The following SPAG16 variants were observed in gnomAD, a reference collection of about 807,000 sequenced individuals.
SPAG16 encodes the protein sperm associated antigen 16, also known as sperm-associated antigen 16 protein.
In SPAG16, 86 loss-of-function variants were observed where a neutral mutation model predicts 80.4. The ratio of observed to expected loss-of-function variants is 1.07; its 90% CI spans 0.90 to 1.28. The LOEUF (loss-of-function observed/expected upper bound fraction) is 1.28, where lower values mean the gene tolerates loss of function less well. Ranked by LOEUF, SPAG16 falls within the 50% of genes most tolerant of loss-of-function variation. The pLI, the probability that SPAG16 is intolerant of heterozygous loss-of-function variation, is 0.00. For missense variants in SPAG16, 870 were observed against 765.3 expected, an observed-to-expected ratio of 1.14 and a Z score of -1.61; for synonymous variants, 294 against 265.9, an observed-to-expected ratio of 1.11 and a Z score of -1.03.
At chr2:213,285,496 AG>A (rs2062021737) in intron 1 of SPAG16, among the ~76,000 whole-genome samples, 1 of 152,210 alleles carries the variant, frequency 6.6e-6, no homozygotes, top group Admixed American at 6.5e-5. Context: ...AAAGATACCA[AG>A]GAAACTCCAA....
intron 12 of SPAG16, among the ~76,000 whole-genome samples, chr2:213,994,014 T>C (rs1454052149): frequency 6.6e-6 from 1 of 152,158 alleles, no homozygotes; most frequent in Non-Finnish European, 1.5e-5. Flanking sequence ...TACCATTCTG[T>C]TTATGATTCT....
intron 10 of SPAG16, among the ~76,000 whole-genome samples, chr2:213,600,349 G>T (rs1159176266): frequency 6.6e-6 from 1 of 152,094 alleles, no homozygotes; most frequent in Non-Finnish European, 1.5e-5. Flanking sequence ...TTCAGCCATG[G>T]ATTCTCTGCA....
intron 15 of SPAG16, among the ~76,000 whole-genome samples, chr2:214,199,985 T>C (rs927879475): frequency 1.3e-5 from 2 of 152,242 alleles, no homozygotes; most frequent in Non-Finnish European, 1.5e-5. Flanking sequence ...GCTGATCAGA[T>C]CTAGGAACTT....
chr2:214,109,622 A>G (rs377173730), intron 14 of SPAG16, among the ~76,000 whole-genome samples: 5 of 152,218 alleles, frequency 3.3e-5, no homozygotes, highest in African/African-American at 7.2e-5. Context: ...GATTGCTCCA[A>G]TTGAAATTGT....
intron 15 of SPAG16, among the ~76,000 whole-genome samples, chr2:214,227,613 A>G (rs768266239): frequency 1.5e-4 from 23 of 151,750 alleles, no homozygotes; most frequent in Non-Finnish European, 3.2e-4. Context: ...CTTTTCTGCC[A>G]TAGATGGAAG....
At chr2:213,334,917 C>G (rs1439633275) in intron 5 of SPAG16, among the ~76,000 whole-genome samples, 1 of 152,086 alleles carries the variant, frequency 6.6e-6, no homozygotes, top group East Asian at 1.9e-4. Flanking sequence ...GTAGTCATAA[C>G]TTAATTGTAC....
At chr2:213,992,453 A>G (rs59768181) in intron 12 of SPAG16, among the ~76,000 whole-genome samples, 1,698 of 152,178 alleles carry the variant, frequency 0.011, 26 homozygotes, top group African/African-American at 0.039. Context: ...ACATTTTTTG[A>G]TATATATTAC....
Position 213,898,252 on chromosome 2 carries a change from A to G in SPAG16, c.1215-31708A>G, listed in dbSNP as rs563736979. Among the ~76,000 whole-genome samples the G allele has an allele frequency of 1.6e-4, 24 of 152,288 alleles. No homozygotes were observed. In the South Asian group the frequency reaches 3.1e-3, roughly 20 times the overall value. ...ACGTTCTGATTTTTCCTGATGTTCT[A>G]ATTTATCTTATTTCCAGAACAACTA... On this transcript the variant is annotated intron_variant, in intron 11 of 15. Transcript: ENST00000331683.
intron 10 of SPAG16, among the ~76,000 whole-genome samples, chr2:213,785,955 C>T (rs766591263): frequency 1.3e-5 from 2 of 150,598 alleles, no homozygotes; most frequent in Non-Finnish European, 1.5e-5. Context: ...TGCAGTGAGC[C>T]GAGATCACAC....
intron 10 of SPAG16, among the ~76,000 whole-genome samples, chr2:213,707,382 G>C (rs1344218831): frequency 6.6e-6 from 1 of 151,930 alleles, no homozygotes; most frequent in Non-Finnish European, 1.5e-5. Context: ...CCTTTAAATT[G>C]ACTCACTGTT....
intron 3 of SPAG16, among the ~76,000 whole-genome samples, chr2:213,303,592 T>G (rs1026230009): frequency 2.0e-5 from 3 of 152,122 alleles, no homozygotes; most frequent in African/African-American, 7.2e-5. Flanking sequence ...TTCAATTGTT[T>G]TACTTTCTAG....
At chr2:213,712,306 G>A (rs377335006) in intron 10 of SPAG16, among the ~76,000 whole-genome samples, 1 of 152,128 alleles carries the variant, frequency 6.6e-6, no homozygotes, top group Non-Finnish European at 1.5e-5. Flanking sequence ...CTGAGCTGAG[G>A]GCTAGGGAAA....
chr2:213,768,853 G>T (rs1417621681), intron 10 of SPAG16, among the ~76,000 whole-genome samples: 1 of 152,102 alleles, frequency 6.6e-6, no homozygotes, highest in African/African-American at 2.4e-5. Flanking sequence ...GGAATGCCTA[G>T]AACAATGCCC....
chr2:214,004,640 C>T (rs1388144462), intron 12 of SPAG16, among the ~76,000 whole-genome samples: 1 of 151,970 alleles, frequency 6.6e-6, no homozygotes, highest in Non-Finnish European at 1.5e-5. Flanking sequence ...GGCTTATCAT[C>T]AGGTGTGGGC....
chr2:213,298,872 A>G (rs1419806824), intron 3 of SPAG16, among the ~76,000 whole-genome samples: 1 of 152,218 alleles, frequency 6.6e-6, no homozygotes, highest in Non-Finnish European at 1.5e-5. Context: ...TTGGAGGAAC[A>G]GTATTATGCT....
chr2:214,114,812 C>T (rs1377337724), intron 14 of SPAG16, among the ~76,000 whole-genome samples: 1 of 152,140 alleles, frequency 6.6e-6, no homozygotes, highest in South Asian at 2.1e-4. Flanking sequence ...GTGGGCTGCA[C>T]CCACTGTCCA....
chr2:213,452,728 ACCCC>A (rs2125581817), intron 9 of SPAG16, among the ~76,000 whole-genome samples: 1 of 152,076 alleles, frequency 6.6e-6, no homozygotes, highest in South Asian at 2.1e-4. Flanking sequence ...CTTGCAACAA[ACCCC>A]CTTGTCTCTT....
Position 213,502,426 on chromosome 2 carries a change from A to C in SPAG16, c.1070+12336A>C, listed in dbSNP as rs570134075. Among the ~76,000 whole-genome samples the C allele has an allele frequency of 1.5e-3, 233 of 152,166 alleles. 5 individuals carry two copies. The highest frequency in any genetic ancestry group is 1.6e-3 in the Non-Finnish European group (107 of 68,034). On this transcript the variant is annotated intron_variant, in intron 10 of 15. Transcript: ENST00000331683. ...GCATGAGCCACTGCACCTGTCTCAA[A>C]ATTTCCTTTTTATACAAGGAACCAC...
At chr2:214,082,695 T>A (rs1290120819) in intron 13 of SPAG16, among the ~76,000 whole-genome samples, 1 of 152,198 alleles carries the variant, frequency 6.6e-6, no homozygotes, top group South Asian at 2.1e-4. Context: ...TACCTTCAGA[T>A]ATTCTAATTT....
Sources: gnomAD v4.1 joint callset for allele counts (sites outside exome capture counted in the v4.1 genomes callset) on GRCh38, gnomAD v4.1.1 for gene constraint, MANE v1.5 for transcripts, NCBI Gene and HGNC (gene_info 2026-07-23, HGNC 2026-07-21) for gene names.